Variants in MYO5A observed in about 807,000 individuals in gnomAD.
MYO5A encodes myosin VA, also known as unconventional myosin-Va.
A neutral mutation model predicts 249.7 loss-of-function variants in MYO5A; 98 were observed. The ratio of observed to expected loss-of-function variants is 0.39; its 90% CI spans 0.33 to 0.46. The LOEUF (loss-of-function observed/expected upper bound fraction) is 0.46, where lower values mean the gene tolerates loss of function less well. Among genes scored for constraint, MYO5A ranks in the 20% least tolerant of loss-of-function variants. The pLI, the probability that MYO5A is intolerant of heterozygous loss-of-function variation, is 0.98. For missense variants in MYO5A, 1,696 were observed against 2,308.8 expected, an observed-to-expected ratio of 0.73 and a Z score of 5.44; for synonymous variants, 778 against 810.6, an observed-to-expected ratio of 0.96 and a Z score of 0.68.
At chr15:52,359,340 G>A (rs1596339797) in intron 25 of MYO5A, among the ~76,000 whole-genome samples, 1 of 152,164 alleles carries the variant, frequency 6.6e-6, no homozygotes, top group East Asian at 1.9e-4. Flanking sequence ...AGAATTGGTT[G>A]GGAATAATCT....
rs2075888931 is a variant in MYO5A, at chr15:52,446,273, C to CTCCA, written c.28-12992_28-12989dup. On this transcript the variant is annotated intron_variant, in intron 1 of 41. Coordinates refer to ENST00000399233, the MANE Select transcript of MYO5A (RefSeq NM_001382347.1). The stretch of plus-strand genomic sequence containing the variant: ...TGCGTGCTGGCTGCTCCAGCTCCAG[C>CTCCA]TCCAGCCAAGGGTCAAAAAAGCCGG... Among the ~76,000 whole-genome samples, 3 of 152,364 alleles carry CTCCA rather than the reference C, an allele frequency of 2.0e-5. No individual in the cohort carries two copies. In the South Asian group the frequency reaches 6.2e-4, roughly 32 times the overall value.
chr15:52,475,168 C>T lies in MYO5A; in HGVS notation c.28-41883G>A, dbSNP rs1161045650. The stretch of plus-strand genomic sequence containing the variant: ...CATTTCTTCTAGATTTTCTAGTTTA[C>T]TTGTGTAGAGGTGTTTACAGTATTC... On this transcript the variant is annotated intron_variant, in intron 1 of 41. Coordinates refer to ENST00000399233, the MANE Select transcript of MYO5A (RefSeq NM_001382347.1). Among the ~76,000 whole-genome samples, 9 of 152,168 alleles carry T rather than the reference C, an allele frequency of 5.9e-5. No individual in the cohort carries two copies. In the East Asian group the frequency reaches 1.4e-3, roughly 23 times the overall value.
chr15:52,389,049 C>T (rs1567078714), intron 13 of MYO5A, among the ~76,000 whole-genome samples, 189 bp downstream of exon 13: 1 of 151,752 alleles, frequency 6.6e-6, no homozygotes, highest in African/African-American at 2.4e-5. Context: ...TAGAACCATA[C>T]TTATTTCACA....
At chr15:52,387,384 C>T (rs1349194524) in intron 14 of MYO5A, among the ~76,000 whole-genome samples, 1 of 152,208 alleles carries the variant, frequency 6.6e-6, no homozygotes, top group Non-Finnish European at 1.5e-5. Flanking sequence ...GTGCGTAAGG[C>T]CACGTTTCTA....
At chr15:52,426,713 G>A (rs2075403306) in intron 3 of MYO5A, among the ~76,000 whole-genome samples, 1 of 152,174 alleles carries the variant, frequency 6.6e-6, no homozygotes, top group South Asian at 2.1e-4. Context: ...GCCCACCTCA[G>A]CCTCCCAAGG....
chr15:52,450,843 G>GT (rs56842960), intron 1 of MYO5A, among the ~76,000 whole-genome samples: 40,026 of 84,050 alleles, frequency 0.48, 9,768 homozygotes, highest in Non-Finnish European at 0.58. Context: ...CACTACTGTG[G>GT]TTTTTTTTTT....
At chr15:52,446,030 A>C (rs2075882744) in intron 1 of MYO5A, among the ~76,000 whole-genome samples, 1 of 152,272 alleles carries the variant, frequency 6.6e-6, no homozygotes, top group Non-Finnish European at 1.5e-5. Flanking sequence ...AAATCCAAGC[A>C]GGCTGTGGAG....
chr15:52,317,094 T>A lies in MYO5A; in HGVS notation c.5363A>T (p.Asp1788Val). The A allele has an allele frequency of 6.2e-7, 1 of 1,614,178 alleles. No individual in the cohort carries two copies. Among genetic ancestry groups the A allele is most frequent in the Non-Finnish European group, 8.5e-7 (1 of 1,180,028 alleles). The stretch of plus-strand genomic sequence containing the variant: ...GCACATAGAACAAATGGCTTCTGCA[T>A]CATCATCTGTTTTCTTTTTCACTTG... ...LLQVKKKTDDDAEAICSMCNA... is the reference protein window; with the variant it reads ...LLQVKKKTDDVAEAICSMCNA... Residue 1788 changes from aspartate to valine, a missense_variant, in exon 40 of 42, where the codon GAT (aspartate) becomes GTT (valine). Coordinates refer to ENST00000399233, the MANE Select transcript of MYO5A (RefSeq NM_001382347.1).
intron 25 of MYO5A, among the ~76,000 whole-genome samples, chr15:52,357,452 CAA>C (rs35645503): frequency 1.3e-4 from 12 of 93,664 alleles, no homozygotes; most frequent in Non-Finnish European, 2.4e-4. Flanking sequence ...CTAGAACTAG[CAA>C]AAAAAAAAAA....
chr15:52,420,771 T>C (rs1023942695), intron 4 of MYO5A, among the ~76,000 whole-genome samples: 11 of 152,142 alleles, frequency 7.2e-5, no homozygotes, highest in African/African-American at 2.7e-4. Context: ...CTAGGCTAAA[T>C]AAAAGATGTA....
chr15:52,387,762 A>G (rs2042029608), intron 14 of MYO5A, 67 bp downstream of exon 14: 1 of 1,235,380 alleles, frequency 8.1e-7, no homozygotes, highest in Non-Finnish European at 1.2e-6. Flanking sequence ...TAAAAAAATC[A>G]TTTTTATTGT....
intron 1 of MYO5A, among the ~76,000 whole-genome samples, chr15:52,470,387 C>G (rs745436947): frequency 5.3e-5 from 8 of 152,156 alleles, no homozygotes; most frequent in South Asian, 4.1e-4. Context: ...CGCAGTGGCT[C>G]ACGCCTGTAA....
Position 52,354,020 on chromosome 15 carries a change from C to A in MYO5A, c.3424-6G>T. The A allele has an allele frequency of 6.2e-7, 1 of 1,614,076 alleles. No homozygotes were observed. The highest frequency in any genetic ancestry group is 2.2e-5 in the East Asian group (1 of 44,886). ...ACCTTCTTCTCACTTGGTTCCTAAA[C>A]CCCAGGAATCACAAAGATGGTCAAG... On this transcript the variant is annotated splice_polypyrimidine_tract_variant and splice_region_variant and intron_variant, in intron 25 of 41. Transcript: ENST00000399233.
chr15:52,384,816 A>G lies in MYO5A; in HGVS notation c.1753-494T>C, dbSNP rs991309573. ...AAGTGCTGAGCACTAACTGAAAAAC[A>G]TCACCGAAAATCTCAGCAGGAAAGG... On this transcript the variant is annotated intron_variant, in intron 14 of 41. Transcript: ENST00000399233. Among the ~76,000 whole-genome samples, 7 of 152,236 alleles carry G rather than the reference A, an allele frequency of 4.6e-5. No homozygotes were observed. The South Asian group carries it at 8.3e-4, about 18-fold the overall frequency.
intron 4 of MYO5A, 108 bp from the exon 5 acceptor site, chr15:52,416,409 T>C (rs1035814428): frequency 2.4e-6 from 3 of 1,252,226 alleles, no homozygotes; most frequent in Non-Finnish European, 3.4e-6. Flanking sequence ...AATGGATTTT[T>C]TGGTCGATAC....
chr15:52,328,554 T>C (rs1440726296), intron 35 of MYO5A, among the ~76,000 whole-genome samples: 1 of 152,226 alleles, frequency 6.6e-6, no homozygotes, highest in African/African-American at 2.4e-5. Context: ...GAGGCCACCA[T>C]CATCTCCTGC....
chr15:52,376,031 CATT>C (rs1173425608), intron 19 of MYO5A, among the ~76,000 whole-genome samples: 2 of 152,228 alleles, frequency 1.3e-5, no homozygotes, highest in Non-Finnish European at 2.9e-5. Flanking sequence ...ACAATGAAGT[CATT>C]ATTACCTAGC....
At chr15:52,460,717 G>T (rs2076232169) in intron 1 of MYO5A, among the ~76,000 whole-genome samples, 1 of 151,912 alleles carries the variant, frequency 6.6e-6, no homozygotes, top group Admixed American at 6.6e-5. Flanking sequence ...GCTTAAAGAA[G>T]TTATCTAAGC....
At chr15:52,443,698 A>G (rs2075831050) in intron 1 of MYO5A, among the ~76,000 whole-genome samples, 1 of 135,378 alleles carries the variant, frequency 7.4e-6, no homozygotes, top group East Asian at 2.1e-4. Context: ...ACAGGGCAAG[A>G]CTCCATCTCA....
Sources: allele counts gnomAD v4.1 joint callset (sites outside exome capture counted in the v4.1 genomes callset), GRCh38; gene constraint gnomAD v4.1.1; transcripts MANE v1.5; gene names NCBI Gene and HGNC (gene_info 2026-07-23, HGNC 2026-07-21).